Variants in PCM1 observed in about 807,000 individuals in gnomAD.
PCM1 encodes pericentriolar material 1.
A neutral mutation model predicts 241.9 loss-of-function variants in PCM1; 157 were observed. The ratio of observed to expected loss-of-function variants is 0.65; its 90% CI spans 0.57 to 0.74. The LOEUF (loss-of-function observed/expected upper bound fraction) is 0.74, where lower values mean the gene tolerates loss of function less well. Ranked by LOEUF, PCM1 falls within the 30% of genes least tolerant of loss-of-function variation. The pLI is 0.00. For synonymous variants in PCM1, 1,085 were observed against 784.9 expected (o/e 1.38, Z -6.39); for missense variants, 3,478 against 2,360.1 (o/e 1.47, Z -9.81).
intron 38 of PCM1, 137 bp downstream of exon 38, chr8:18,025,795 G>C (rs183231200): frequency 3.1e-5 from 18 of 572,564 alleles, no homozygotes; most frequent in African/African-American, 3.1e-4. Flanking sequence ...GTGTAATTCT[G>C]TAAGAATTTT....
chr8:17,932,041 C>T (rs1161828339), intron 2 of PCM1, among the ~76,000 whole-genome samples: 2 of 152,016 alleles, frequency 1.3e-5, no homozygotes, highest in East Asian at 1.9e-4. Flanking sequence ...TATAATTTTT[C>T]ATACTGCTTT....
intron 38 of PCM1, among the ~76,000 whole-genome samples, chr8:18,026,451 G>C (rs527531850): frequency 6.6e-6 from 1 of 150,698 alleles, no homozygotes; most frequent in Admixed American, 6.6e-5. Context: ...AAGTAGAGAC[G>C]GGGTTTCACC....
At chr8:17,952,920 T>G in intron 8 of PCM1, 50 bp from the exon 9 acceptor site, 2 of 1,118,286 alleles carry the variant, frequency 1.8e-6, no homozygotes, top group East Asian at 5.1e-5. Context: ...GAGAATGCAT[T>G]TAATTGCGTT....
intron 36 of PCM1, among the ~76,000 whole-genome samples, chr8:18,019,247 A>C (rs1036986000): frequency 6.6e-6 from 1 of 152,094 alleles, no homozygotes; most frequent in African/African-American, 2.4e-5. Context: ...TATTCTGTCT[A>C]TATGTAGATA....
chr8:17,981,119 G>C (rs920096531), intron 24 of PCM1, among the ~76,000 whole-genome samples: 1 of 152,132 alleles, frequency 6.6e-6, no homozygotes, highest in Non-Finnish European at 1.5e-5. Context: ...ATGCCTTCAT[G>C]GAACGTACAT....
chr8:18,020,449 T>A (rs1032892888), intron 36 of PCM1, among the ~76,000 whole-genome samples: 1 of 152,206 alleles, frequency 6.6e-6, no homozygotes, highest in African/African-American at 2.4e-5. Flanking sequence ...CCTTCTCCTG[T>A]CACCTTCTAA....
chr8:17,987,491 AC>A, intron 26 of PCM1, among the ~76,000 whole-genome samples: 1 of 152,040 alleles, frequency 6.6e-6, no homozygotes, highest in East Asian at 1.9e-4. Context: ...AAGTTGAGCT[AC>A]AGTTTAGGAT....
intron 2 of PCM1, among the ~76,000 whole-genome samples, chr8:17,930,485 G>C (rs192012023): frequency 1.3e-5 from 2 of 152,250 alleles, no homozygotes; most frequent in African/African-American, 2.4e-5. Context: ...CAGAGATTCT[G>C]TATTTGTAAT....
chr8:18,025,905 C>G (rs2094156553), intron 38 of PCM1, among the ~76,000 whole-genome samples: 1 of 152,010 alleles, frequency 6.6e-6, no homozygotes, highest in Non-Finnish European at 1.5e-5. Context: ...TGGCTCACGC[C>G]TGTAATCCCA....
In PCM1 at chr8:18,027,531, T is replaced by C. The variant is rs930954088; in HGVS notation, c.6050-106T>C. ...TTAGCAAGCTAATTTAGGATTTCTT[T>C]TATAATAACGTTATATTAAAAGTAA... On this transcript the variant is annotated intron_variant, in intron 38 of 38. Transcript: ENST00000325083. 6 of 703,826 alleles carry C rather than the reference T, an allele frequency of 8.5e-6. No individual in the cohort carries two copies. The African/African-American group carries it at 1.1e-4, about 13-fold the overall frequency. 43.6% of individuals were successfully genotyped at this position (703,826 alleles called of 1,614,324 possible).
At chr8:17,946,216 G>A (rs1439959631) in intron 6 of PCM1, among the ~76,000 whole-genome samples, 1 of 151,948 alleles carries the variant, frequency 6.6e-6, no homozygotes, top group African/African-American at 2.4e-5. Flanking sequence ...TAGCATTTTC[G>A]GGGAATTTGG....
chr8:17,980,846 C>T (rs1271324770), intron 24 of PCM1, 91 bp downstream of exon 24: 1 of 893,078 alleles, frequency 1.1e-6, no homozygotes. Context: ...ATTGGTGTTT[C>T]ACACGTATCT....
At chr8:17,956,888 G>A in intron 11 of PCM1, 111 bp downstream of exon 11, 2 of 867,842 alleles carry the variant, frequency 2.3e-6, no homozygotes, top group Non-Finnish European at 3.6e-6. Context: ...TTTTATTTAA[G>A]CTTTCTACTA....
intron 7 of PCM1, among the ~76,000 whole-genome samples, chr8:17,949,922 T>C (rs778109146): frequency 6.6e-6 from 1 of 152,216 alleles, no homozygotes; most frequent in African/African-American, 2.4e-5. Context: ...GGGGCATTTT[T>C]TTTAAATTAA....
At chr8:17,975,938 G>A (rs2078619489) in intron 23 of PCM1, among the ~76,000 whole-genome samples, 1 of 152,160 alleles carries the variant, frequency 6.6e-6, no homozygotes, top group African/African-American at 2.4e-5. Context: ...TCTGTTATCA[G>A]ACCTATAATT....
intron 36 of PCM1, among the ~76,000 whole-genome samples, chr8:18,020,427 A>AT (rs1382010794): frequency 6.6e-6 from 1 of 152,188 alleles, no homozygotes; most frequent in African/African-American, 2.4e-5. Flanking sequence ...GTAGACTAAC[A>AT]TTTTATGATA....
chr8:17,951,397 T>C (rs1051623254), intron 8 of PCM1, among the ~76,000 whole-genome samples: 21 of 152,242 alleles, frequency 1.4e-4, no homozygotes, highest in African/African-American at 4.1e-4. Context: ...CTAGTAAATT[T>C]CTTCTGGTAG....
intron 2 of PCM1, chr8:17,926,241 A>C (rs2056896529): frequency 6.6e-6 from 1 of 152,212 alleles, no homozygotes; most frequent in South Asian, 2.1e-4. Flanking sequence ...TTAAATTGGA[A>C]GACCTGGGTT....
intron 21 of PCM1, among the ~76,000 whole-genome samples, chr8:17,967,610 C>G (rs962238582): frequency 6.6e-6 from 1 of 152,148 alleles, no homozygotes; most frequent in Non-Finnish European, 1.5e-5. Flanking sequence ...GCCCAGCCTA[C>G]GTTGTTCCTT....
Sources: allele counts gnomAD v4.1 joint callset (sites outside exome capture counted in the v4.1 genomes callset), GRCh38; gene constraint gnomAD v4.1.1; transcripts MANE v1.5; gene names NCBI Gene and HGNC (gene_info 2026-07-23, HGNC 2026-07-21).